Variants in ABI2 observed in about 807,000 individuals in gnomAD.
ABI2 encodes the protein abl interactor 2.
In ABI2, 25 loss-of-function variants were observed where a neutral mutation model predicts 59.2. The observed-to-expected ratio is 0.42, with a 90% CI of 0.31 to 0.59. The LOEUF (loss-of-function observed/expected upper bound fraction) is 0.59. Among genes scored for constraint, ABI2 ranks in the 20% least tolerant of loss-of-function variants. The pLI, the probability that ABI2 is intolerant of heterozygous loss-of-function variation, is 0.14. For missense variants in ABI2, 545 were observed against 681.8 expected, an observed-to-expected ratio of 0.80 and a Z score of 2.23; for synonymous variants, 213 against 235.5, an observed-to-expected ratio of 0.90 and a Z score of 0.87.
In ABI2 at chr2:203,395,749, TC is replaced by T; in HGVS notation, c.821del (p.Pro274LeufsTer80). ...SGSVGVPIAV[P>X]TPSPPSVFPA... is the part of the protein sequence containing the mutation. ...GTAGTGTGGGGGTTCCTATTGCTGT[TC>T]CTACTCCATCTCCTCCCAGTGTCTT... is the stretch of plus-strand genomic sequence containing the variant. On this transcript the variant is annotated frameshift_variant, in exon 7 of 12. Coordinates refer to ENST00000261018, the MANE Select transcript of ABI2 (RefSeq NM_001375670.1). LOFTEE classifies it high-confidence loss of function. 6.2e-7 allele frequency: 1 copy of T among 1,607,060 alleles called. No individual in the cohort carries two copies. The highest frequency in any genetic ancestry group is 2.3e-5 in the East Asian group (1 of 44,266).
chr2:203,421,677 TAGAA>T (rs1196393673), intron 11 of ABI2, among the ~76,000 whole-genome samples: 1 of 152,044 alleles, frequency 6.6e-6, no homozygotes, highest in Non-Finnish European at 1.5e-5. Flanking sequence ...TTAGAAAATC[TAGAA>T]AGAGGCCAGG....
At chr2:203,421,954 G>T (rs2098228775) in intron 11 of ABI2, among the ~76,000 whole-genome samples, 1 of 124,690 alleles carries the variant, frequency 8.0e-6, no homozygotes, top group African/African-American at 3.2e-5. Flanking sequence ...AACAGAGTGA[G>T]ACTCTGTCTC....
rs1203982662 is a variant in ABI2, at chr2:203,432,027, A to AGTC, written c.*4676_*4678dup. The AGTC allele has an allele frequency of 2.0e-5, 3 of 152,220 alleles. No homozygotes were observed. Among genetic ancestry groups the AGTC allele is most frequent in the African/African-American group, 7.2e-5 (3 of 41,454 alleles). 9.4% of individuals were successfully genotyped at this position (152,220 alleles called of 1,614,324 possible). A position where few individuals can be genotyped will look rare whatever the true frequency, so the allele number is the denominator to read the frequency against. ...ACCATCCAGGGGAACTTGAGGGAGC[A>AGTC]GTCTGTTGCCAGTAATGTTCCTTGT... On this transcript the variant is annotated 3_prime_UTR_variant, in exon 12 of 12. Transcript: ENST00000261018.
rs184478287 is a variant in ABI2 at position 203,348,286 on chromosome 2, C to G, written c.118-18591C>G. Among the ~76,000 whole-genome samples, 582 of 152,046 alleles carry G rather than the reference C, an allele frequency of 3.8e-3. 1 individual carries two copies. Among genetic ancestry groups the G allele is most frequent in the Non-Finnish European group, 6.2e-3 (424 of 67,954 alleles). On this transcript the variant is annotated intron_variant, in intron 1 of 11. Coordinates refer to ENST00000261018, the MANE Select transcript of ABI2 (RefSeq NM_001375670.1). Reference sequence around the variant, plus strand: ...GAAAATAAATGTAATAAAGGTTAAGCTTAGTATTTTAAAGTTTGTTTATTC... The same window carrying G: ...GAAAATAAATGTAATAAAGGTTAAGGTTAGTATTTTAAAGTTTGTTTATTC...
chr2:203,352,805 G>A (rs2089701985), intron 1 of ABI2, among the ~76,000 whole-genome samples: 2 of 152,208 alleles, frequency 1.3e-5, no homozygotes, highest in African/African-American at 4.8e-5. Context: ...ACCCAGACAT[G>A]TTCTAGTCCT....
Position 203,427,457 on chromosome 2 carries a change from T to A in ABI2, c.*105T>A. 9.4e-7 allele frequency: 1 copy of A among 1,063,994 alleles called. No individual in the cohort carries two copies. Among genetic ancestry groups the A allele is most frequent in the Non-Finnish European group, 1.3e-6 (1 of 765,872 alleles). 65.9% of individuals were successfully genotyped at this position (1,063,994 alleles called of 1,614,324 possible). On this transcript the variant is annotated 3_prime_UTR_variant, in exon 12 of 12. Transcript: ENST00000261018. ...AGTAAAGTAGAATGAAGGATACAAA[T>A]GATAAAAATTACACTTTTTTTTTTG... is the stretch of plus-strand genomic sequence containing the variant.
chr2:203,344,922 C>T (rs1360146890), intron 1 of ABI2, among the ~76,000 whole-genome samples: 2 of 151,822 alleles, frequency 1.3e-5, no homozygotes, highest in Non-Finnish European at 2.9e-5. Context: ...AATCAGCGCT[C>T]TGTAAAATGG....
intron 2 of ABI2, among the ~76,000 whole-genome samples, chr2:203,371,640 T>G (rs1577515535): frequency 6.6e-6 from 1 of 152,130 alleles, no homozygotes; most frequent in East Asian, 1.9e-4. Context: ...AATGAAAATT[T>G]TTATCTTCAA....
At chr2:203,343,112 C>T (rs2080999423) in intron 1 of ABI2, among the ~76,000 whole-genome samples, 1 of 152,290 alleles carries the variant, frequency 6.6e-6, no homozygotes, top group East Asian at 1.9e-4. Flanking sequence ...AAACTAAAAG[C>T]AAGCACCTGG....
chr2:203,392,145 A>T (rs947067264), intron 5 of ABI2, among the ~76,000 whole-genome samples: 10 of 152,326 alleles, frequency 6.6e-5, no homozygotes, highest in Admixed American at 2.0e-4. Flanking sequence ...AGGTCACTGT[A>T]CCACAAATTG....
chr2:203,367,015 A>T lies in ABI2; in HGVS notation c.256A>T (p.Met86Leu). 6.2e-7 allele frequency: 1 copy of T among 1,613,838 alleles called. No individual in the cohort carries two copies. Among genetic ancestry groups the T allele is most frequent in the Non-Finnish European group, 8.5e-7 (1 of 1,179,878 alleles). ...LDIQASQLRR[M>L]ESSINHISQT... ...TATCCAGGCATCCCAGCTACGAAGG[A>T]TGGAATCTTCAATCAATCATATTTC... is the stretch of plus-strand genomic sequence containing the variant. Residue 86 changes from methionine (M) to leucine (L), a missense_variant, in exon 2 of 12, where the codon ATG (methionine) becomes TTG (leucine). Met to Leu is a conservative substitution (Grantham distance 15, BLOSUM62 2). Transcript: ENST00000261018.
At chr2:203,407,338 G>A (rs138479169) in intron 9 of ABI2, among the ~76,000 whole-genome samples, 1 of 152,036 alleles carries the variant, frequency 6.6e-6, no homozygotes, top group Non-Finnish European at 1.5e-5. Context: ...ATCTCAACTC[G>A]CATGGGCTAT....
intron 11 of ABI2, among the ~76,000 whole-genome samples, chr2:203,426,676 G>GA (rs2098433801): frequency 6.6e-6 from 1 of 151,604 alleles, no homozygotes; most frequent in African/African-American, 2.4e-5. Context: ...AGGCTCCAGA[G>GA]AGAGTGAGAA....
intron 11 of ABI2, among the ~76,000 whole-genome samples, chr2:203,419,390 G>T (rs1206496165): frequency 6.8e-6 from 1 of 146,050 alleles, no homozygotes; most frequent in Non-Finnish European, 1.5e-5. Context: ...GAGCCACGAG[G>T]CAGAGTCTCG....
In ABI2 at chr2:203,328,432, C is replaced by G. The variant is rs910621558; in HGVS notation, c.-83C>G. The G allele has an allele frequency of 4.2e-6, 5 of 1,181,282 alleles. No homozygotes were observed. In the Admixed American group the frequency reaches 1.1e-4, roughly 25 times the overall value. 73.2% of individuals were successfully genotyped at this position (1,181,282 alleles called of 1,614,324 possible). On this transcript the variant is annotated 5_prime_UTR_variant, in exon 1 of 12. Coordinates refer to ENST00000261018, the MANE Select transcript of ABI2 (RefSeq NM_001375670.1). ...CGCCGCCGTCGCCGCCGCTCCTCCT[C>G]TCCCGGTCCTGGGTTTCCTTGGCGC...
chr2:203,392,275 T>TCACCACCACCAC (rs75654136), intron 5 of ABI2, among the ~76,000 whole-genome samples: 5 of 127,366 alleles, frequency 3.9e-5, no homozygotes, highest in Admixed American at 1.7e-4. Flanking sequence ...ACCACCACCA[T>TCACCACCACCAC]CACCACCACC....
intron 2 of ABI2, among the ~76,000 whole-genome samples, chr2:203,375,617 G>T (rs993029573): frequency 4.6e-5 from 7 of 152,194 alleles, no homozygotes; most frequent in Non-Finnish European, 1.0e-4. Flanking sequence ...TTTTATTTAA[G>T]AATATGTTAC....
At chr2:203,395,459 A>ATATATG (rs71007514) in intron 6 of ABI2, among the ~76,000 whole-genome samples, 197 bp from the exon 7 acceptor site, 5 of 149,370 alleles carry the variant, frequency 3.3e-5, no homozygotes, top group African/African-American at 1.2e-4. Context: ...ACACACACAC[A>ATATATG]CACACACACA....
rs2098454154 is a variant in ABI2, at chr2:203,427,976, T to G, written c.*624T>G. 1 of 152,234 alleles carries G rather than the reference T, an allele frequency of 6.6e-6. No homozygotes were observed. Among genetic ancestry groups the G allele is most frequent in the Admixed American group, 6.5e-5 (1 of 15,280 alleles). 9.4% of individuals were successfully genotyped at this position (152,234 alleles called of 1,614,324 possible). A position where few individuals can be genotyped will look rare whatever the true frequency, so the allele number is the denominator to read the frequency against. ...ACTTGCATCCCTTCATGTTTCTGTT[T>G]GTGGATTATAAGGATGATGAAATGT... On this transcript the variant is annotated 3_prime_UTR_variant, in exon 12 of 12. Coordinates refer to ENST00000261018, the MANE Select transcript of ABI2 (RefSeq NM_001375670.1).
Sources: allele counts gnomAD v4.1 joint callset (sites outside exome capture counted in the v4.1 genomes callset), GRCh38; gene constraint gnomAD v4.1.1; transcripts MANE v1.5; gene names NCBI Gene and HGNC (gene_info 2026-07-23, HGNC 2026-07-21).